The following GATC variants were observed in gnomAD, a reference collection of about 807,000 sequenced individuals.
GATC encodes glutamyl-tRNA(Gln) amidotransferase subunit C, mitochondrial.
Under a neutral mutation model 14.4 loss-of-function variants are expected in GATC, and 11 were observed. That is an observed-to-expected ratio of 0.77 (90% CI 0.48 to 1.27). GATC has a LOEUF of 1.27. GATC is among the 50% of genes most tolerant of loss of function. The pLI is 0.00. For synonymous variants in GATC, 76 were observed against 79.3 expected (o/e 0.96, Z 0.22); for missense variants, 204 against 183.0 (o/e 1.11, Z -0.66).
intron 2 of GATC, among the ~76,000 whole-genome samples, chr12:120,447,056 G>T (rs890769872): frequency 2.8e-5 from 4 of 142,596 alleles, no homozygotes; most frequent in Admixed American, 7.5e-5. Flanking sequence ...CACTGCCTTT[G>T]TTTTTTTTTT....
chr12:120,449,847 C>T (rs140141508), intron 2 of GATC, among the ~76,000 whole-genome samples: 4,770 of 152,174 alleles, frequency 0.031, 115 homozygotes, highest in Non-Finnish European at 0.047. Flanking sequence ...ACCACAACCT[C>T]TGCCTCCCAG....
intron 2 of GATC, among the ~76,000 whole-genome samples, chr12:120,456,740 G>C (rs888787000): frequency 6.6e-6 from 1 of 152,132 alleles, no homozygotes; most frequent in Non-Finnish European, 1.5e-5. Flanking sequence ...CTATCCTTTG[G>C]CAGGCTGTAC....
intron 2 of GATC, among the ~76,000 whole-genome samples, chr12:120,452,038 A>C (rs1170292507): frequency 6.6e-6 from 1 of 151,350 alleles, no homozygotes; most frequent in Non-Finnish European, 1.5e-5. Context: ...CACCATGCCC[A>C]GCTAATTTTT....
rs552712646 is a variant in GATC at position 120,455,377 on chromosome 12, C to G, written c.255-1699C>G. ...AGAGATGTGGTTTCCCCACGTTGCC[C>G]AGGCTGGTCTTGAACTCCTGAATTC... On this transcript the variant is annotated intron_variant, in intron 2 of 3. Coordinates refer to ENST00000551765, the MANE Select transcript of GATC (RefSeq NM_176818.3). Among the ~76,000 whole-genome samples, 4 of 151,954 alleles carry G rather than the reference C, an allele frequency of 2.6e-5. No individual in the cohort carries two copies. In the East Asian group the frequency reaches 7.8e-4, roughly 30 times the overall value.
chr12:120,446,460 C>T lies in GATC; in HGVS notation c.-21C>T, dbSNP rs1166777118. The T allele has an allele frequency of 6.2e-7, 1 of 1,604,362 alleles. No homozygotes were observed. Among genetic ancestry groups the T allele is most frequent in the South Asian group, 1.1e-5 (1 of 90,402 alleles). ...CTCGGCGTTACGCGCGGGCGCACTGCGGGGGCCAAGGAAGGAAGAAATGTG... is the reference window on the plus strand; with the variant it reads ...CTCGGCGTTACGCGCGGGCGCACTGTGGGGGCCAAGGAAGGAAGAAATGTG... On this transcript the variant is annotated 5_prime_UTR_variant, in exon 1 of 4. Transcript: ENST00000551765.
chr12:120,450,255 T>G (rs1878003585), intron 2 of GATC, among the ~76,000 whole-genome samples: 1 of 152,216 alleles, frequency 6.6e-6, no homozygotes, highest in African/African-American at 2.4e-5. Context: ...ATCTGTACTG[T>G]TTTTCATAAA....
chr12:120,447,703 T>G (rs1176168012), intron 2 of GATC, among the ~76,000 whole-genome samples: 1 of 152,166 alleles, frequency 6.6e-6, no homozygotes, highest in African/African-American at 2.4e-5. Flanking sequence ...TATATCTCTT[T>G]TATTAAAATG....
At chr12:120,459,843 A>G (rs1272314986) in intron 3 of GATC, 64 bp from the exon 4 acceptor site, 38 of 1,330,416 alleles carry the variant, frequency 2.9e-5, no homozygotes, top group Non-Finnish European at 3.7e-5. Context: ...GGCAACAGCG[A>G]GACTCTGTCT....
intron 2 of GATC, among the ~76,000 whole-genome samples, chr12:120,452,963 T>C (rs1878091419): frequency 6.6e-6 from 1 of 152,176 alleles, no homozygotes; most frequent in Non-Finnish European, 1.5e-5. Context: ...CCTGAAGTGT[T>C]GGGAATATAG....
chr12:120,456,399 G>GT (rs1366046569), intron 2 of GATC, among the ~76,000 whole-genome samples: 2 of 152,148 alleles, frequency 1.3e-5, no homozygotes, highest in African/African-American at 4.8e-5. Flanking sequence ...CATTTTAGGT[G>GT]TATCAGATTG....
At chr12:120,446,870 C>G in intron 2 of GATC, 41 bp downstream of exon 2, 3 of 1,533,902 alleles carry the variant, frequency 2.0e-6, no homozygotes, top group Non-Finnish European at 2.6e-6. Context: ...GACCGTGGCC[C>G]GTTCGCAGCC....
chr12:120,448,405 T>G (rs538590569), intron 2 of GATC, among the ~76,000 whole-genome samples: 14 of 150,226 alleles, frequency 9.3e-5, no homozygotes, highest in Non-Finnish European at 1.8e-4. Flanking sequence ...CTTGGCTCAC[T>G]GCAACCTCCA....
Position 120,462,305 on chromosome 12 carries a change from C to T in GATC, c.*2346C>T. ...CCTGGCATGAGGCTATCTCATTAAA[C>T]CTTCATAACATTATGAGGTAGGTAC... is the stretch of plus-strand genomic sequence containing the variant. On this transcript the variant is annotated 3_prime_UTR_variant, in exon 4 of 4. Coordinates refer to ENST00000551765, the MANE Select transcript of GATC (RefSeq NM_176818.3). 1 of 799,910 alleles carries T rather than the reference C, an allele frequency of 1.3e-6. No individual in the cohort carries two copies. Among genetic ancestry groups the T allele is most frequent in the Non-Finnish European group, 1.9e-6 (1 of 529,108 alleles). 49.6% of individuals were successfully genotyped at this position (799,910 alleles called of 1,614,324 possible). A position where few individuals can be genotyped will look rare whatever the true frequency, so the allele number is the denominator to read the frequency against.
intron 2 of GATC, among the ~76,000 whole-genome samples, chr12:120,454,782 A>C (rs906213155): frequency 3.3e-5 from 5 of 151,942 alleles, no homozygotes; most frequent in African/African-American, 1.2e-4. Context: ...GTTACCTTTG[A>C]ATAGTATAAT....
Position 120,457,099 on chromosome 12 carries a change from A to C in GATC, c.278A>C (p.Asn93Thr). ...AGATGTCTATACCTGAGATCCGACAATGTGGTAGAAGGCAACTGTGCTGAT... is the reference window on the plus strand; with the variant it reads ...AGATGTCTATACCTGAGATCCGACACTGTGGTAGAAGGCAACTGTGCTGAT... ...EDRCLYLRSD[N>T]VVEGNCADEL... Residue 93 changes from asparagine to threonine, a missense_variant, in exon 3 of 4, where the codon AAT becomes ACT. Transcript: ENST00000551765. The C allele has an allele frequency of 2.5e-6, 4 of 1,613,860 alleles. No individual in the cohort carries two copies. Among genetic ancestry groups the C allele is most frequent in the Non-Finnish European group, 3.4e-6 (4 of 1,179,782 alleles).
rs2137048234 is a variant in GATC at position 120,461,995 on chromosome 12, A to G, written c.*2036A>G. On this transcript the variant is annotated 3_prime_UTR_variant, in exon 4 of 4. Transcript: ENST00000551765. ...AGCAGCTCAGTTAACCTAAAAAATA[A>G]AGAAAAAATTCCCATCACCTGTCTC... The G allele has an allele frequency of 2.5e-6, 4 of 1,586,854 alleles. No homozygotes were observed. The East Asian group carries it at 6.8e-5, about 27-fold the overall frequency.
chr12:120,458,628 T>G (rs1878246763), intron 3 of GATC, among the ~76,000 whole-genome samples: 2 of 152,276 alleles, frequency 1.3e-5, no homozygotes, highest in South Asian at 4.1e-4. Context: ...CCTCTGCAGG[T>G]AGGTGAATAC....
intron 3 of GATC, among the ~76,000 whole-genome samples, chr12:120,457,605 T>G (rs1249802156): frequency 6.5e-5 from 6 of 91,624 alleles, no homozygotes; most frequent in African/African-American, 3.7e-4. Context: ...AAGAATCCTT[T>G]TTTTTTTTTT....
intron 2 of GATC, chr12:120,454,995 C>A (rs559231580): frequency 4.4e-6 from 2 of 451,540 alleles, no homozygotes; most frequent in Non-Finnish European, 8.9e-6. Flanking sequence ...TCAAGTGATT[C>A]TTGTGCCTCA....
Sources: gnomAD v4.1 joint callset for allele counts (sites outside exome capture counted in the v4.1 genomes callset) on GRCh38, gnomAD v4.1.1 for gene constraint, MANE v1.5 for transcripts, NCBI Gene and HGNC (gene_info 2026-07-23, HGNC 2026-07-21) for gene names.